The following PCDHGA4 variants were observed in gnomAD, a reference collection of about 807,000 sequenced individuals.
PCDHGA4 encodes protocadherin gamma-A4.
Under a neutral mutation model 54.6 loss-of-function variants are expected in PCDHGA4, and 38 were observed. That is an observed-to-expected ratio of 0.70 (90% CI 0.54 to 0.91). PCDHGA4 has a LOEUF of 0.91. PCDHGA4 is among the 40% of genes least tolerant of loss of function. The pLI, the probability that PCDHGA4 is intolerant of heterozygous loss-of-function variation, is 0.00. For synonymous variants in PCDHGA4, 511 were observed against 512.9 expected, an observed-to-expected ratio of 1.00 and a Z score of 0.05; for missense variants, 1,298 against 1,220.9, an observed-to-expected ratio of 1.06 and a Z score of -0.94.
intron 1 of PCDHGA4, among the ~76,000 whole-genome samples, chr5:141,402,210 TTAAAA>T (rs1240114840): frequency 6.6e-6 from 1 of 152,008 alleles, no homozygotes; most frequent in African/African-American, 2.4e-5. Context: ...ATACAAAAAT[TTAAAA>T]TAAACGTTTT....
rs1161118434 is a variant in PCDHGA4 at position 141,357,443 on chromosome 5, C to A, written c.2336C>A (p.Ala779Asp). ...SHFVGVDGVR[A>D]FLQTYSHEVS... ...TTTGTGGGCGTGGACGGGGTTCGGG[C>A]TTTCCTGCAGACCTATTCCCACGAG... The change falls in exon 1 of 4, where the codon GCT (alanine) becomes GAT (aspartate). Residue 779 changes from alanine (A) to aspartate (D), a missense_variant. Ala to Asp is a moderately radical substitution (Grantham distance 126). Transcript: ENST00000571252. 3 of 1,614,104 alleles carry A rather than the reference C, an allele frequency of 1.9e-6. No homozygotes were observed. Among genetic ancestry groups the A allele is most frequent in the Non-Finnish European group, 2.5e-6 (3 of 1,180,056 alleles).
At chr5:141,404,266 C>T in intron 1 of PCDHGA4, 1 of 1,613,980 alleles carries the variant, frequency 6.2e-7, no homozygotes. Flanking sequence ...AAATTCACAT[C>T]ACCCTGCAAG....
intron 1 of PCDHGA4, among the ~76,000 whole-genome samples, chr5:141,380,336 G>C (rs1221282125): frequency 6.6e-6 from 1 of 152,060 alleles, no homozygotes; most frequent in Non-Finnish European, 1.5e-5. Flanking sequence ...GAACTTCAAA[G>C]AACTGTTTTG....
intron 1 of PCDHGA4, chr5:141,414,601 T>A: frequency 6.2e-7 from 1 of 1,613,944 alleles, no homozygotes; most frequent in Non-Finnish European, 8.5e-7. Flanking sequence ...TGCCTCCATC[T>A]TCTCAGTGAC....
At chr5:141,393,175 T>C in intron 1 of PCDHGA4, 2 of 1,613,210 alleles carry the variant, frequency 1.2e-6, no homozygotes, top group Non-Finnish European at 1.7e-6. Flanking sequence ...GGGGTAGAAA[T>C]AGAAATAATT....
rs202006594 is a variant in PCDHGA4 at position 141,477,618 on chromosome 5, C to G, written c.2515-17189C>G. On this transcript the variant is annotated intron_variant, in intron 1 of 3. Coordinates refer to ENST00000571252, the MANE Select transcript of PCDHGA4 (RefSeq NM_018917.4). The surrounding 1 kb of genome is among the most constrained non-coding windows in gnomAD (Gnocchi z 4.9). ...TCTTTCTTTCTCTTGGAGCAAGGAGCTGAAACCGGGCTAGTGGGTCGCTAT... is the reference window on the plus strand; with the variant it reads ...TCTTTCTTTCTCTTGGAGCAAGGAGGTGAAACCGGGCTAGTGGGTCGCTAT... 6.2e-7 allele frequency: 1 copy of G among 1,614,176 alleles called. No individual in the cohort carries two copies. Among genetic ancestry groups the G allele is most frequent in the East Asian group, 2.2e-5 (1 of 44,890 alleles).
At chr5:141,482,719 G>C (rs1221351410) in intron 1 of PCDHGA4, among the ~76,000 whole-genome samples, 1 of 129,252 alleles carries the variant, frequency 7.7e-6, no homozygotes, top group African/African-American at 3.5e-5. Flanking sequence ...GGCAGGGAGG[G>C]GCCATTGCAA....
Position 141,355,945 on chromosome 5 carries a change from G to C in PCDHGA4, c.838G>C (p.Val280Leu). Residue 280 changes from valine (V) to leucine (L), a missense_variant, in exon 1 of 4, where the codon GTA (valine) becomes CTA (leucine). Coordinates refer to ENST00000571252, the MANE Select transcript of PCDHGA4 (RefSeq NM_018917.4). ...APVFTQPEYH[V>L]SVRENVPVGT... ...CGTGTTCACTCAGCCCGAGTACCAC[G>C]TAAGTGTTCGTGAGAACGTTCCTGT... is the stretch of plus-strand genomic sequence containing the variant. 4 of 1,613,848 alleles carry C rather than the reference G, an allele frequency of 2.5e-6. No homozygotes were observed. Among genetic ancestry groups the C allele is most frequent in the Non-Finnish European group, 3.4e-6 (4 of 1,179,854 alleles).
intron 1 of PCDHGA4, chr5:141,398,344 C>G (rs901692894): frequency 7.3e-7 from 1 of 1,372,066 alleles, no homozygotes; most frequent in African/African-American, 1.5e-5. Context: ...TTCGGAGAAG[C>G]CTTACTTCAC....
At chr5:141,370,483 C>T in intron 1 of PCDHGA4, 1 of 1,613,876 alleles carries the variant, frequency 6.2e-7, no homozygotes, top group East Asian at 2.2e-5. Flanking sequence ...CAGGCTCTCT[C>T]CGAACCGATC....
At chr5:141,404,479 A>C in intron 1 of PCDHGA4, 1 of 1,613,750 alleles carries the variant, frequency 6.2e-7, no homozygotes, top group South Asian at 1.1e-5. Context: ...CTATTAACTC[A>C]GACACTGGTG....
chr5:141,407,497 G>GTTTTTTTTTTTTTTTTTTTTTTTTT (rs1554102286), intron 1 of PCDHGA4, among the ~76,000 whole-genome samples: 1 of 151,974 alleles, frequency 6.6e-6, no homozygotes, highest in African/African-American at 2.4e-5. Context: ...CTTTATTTCT[G>GTTTTTTTTTTTTTTTTTTTTTTTTT]TTTTTCTTAG....
intron 1 of PCDHGA4, chr5:141,417,544 C>A: frequency 3.2e-6 from 1 of 308,860 alleles, no homozygotes; most frequent in Non-Finnish European, 5.9e-6. Context: ...AAAAAAATTC[C>A]TTGAAAGAGG....
chr5:141,383,510 A>G (rs1390731022), intron 1 of PCDHGA4: 1 of 1,612,804 alleles, frequency 6.2e-7, no homozygotes, highest in Admixed American at 1.7e-5. Context: ...GACCGGGAGG[A>G]AGAGCGGGTT....
At chr5:141,445,070 A>G (rs185808898) in intron 1 of PCDHGA4, among the ~76,000 whole-genome samples, 30 of 152,306 alleles carry the variant, frequency 2.0e-4, no homozygotes, top group African/African-American at 7.2e-4. Context: ...TATATTTCTC[A>G]TTAAATTGTC....
At chr5:141,383,066 C>T (rs1305703893) in intron 1 of PCDHGA4, 1 of 1,613,826 alleles carries the variant, frequency 6.2e-7, no homozygotes, top group Admixed American at 1.7e-5. Flanking sequence ...GGGCTGGAGC[C>T]CCGGGAGCTG....
chr5:141,448,439 C>T (rs182359185), intron 1 of PCDHGA4, among the ~76,000 whole-genome samples: 7 of 152,232 alleles, frequency 4.6e-5, no homozygotes, highest in Admixed American at 4.6e-4. Context: ...ATTGAGAAGT[C>T]TGACTTCCAT....
intron 1 of PCDHGA4, chr5:141,419,601 C>A (rs753678898): frequency 6.2e-7 from 1 of 1,611,818 alleles, no homozygotes; most frequent in Admixed American, 1.7e-5. Flanking sequence ...GTGCCGCGGG[C>A]CGCGCAGCCA....
intron 1 of PCDHGA4, among the ~76,000 whole-genome samples, chr5:141,454,353 A>G (rs2098787486): frequency 1.3e-5 from 2 of 152,238 alleles, no homozygotes; most frequent in Non-Finnish European, 2.9e-5. Context: ...AGTTGATCCA[A>G]ACTTAGAAAG....
Sources: gnomAD v4.1 joint callset for allele counts (sites outside exome capture counted in the v4.1 genomes callset) on GRCh38, gnomAD v4.1.1 for gene constraint, Gnocchi (gnomAD v3.1) non-coding constraint, MANE v1.5 for transcripts, NCBI Gene and HGNC (gene_info 2026-07-23, HGNC 2026-07-21) for gene names.